GNAO1: variants seen among roughly 807,000 people sequenced by gnomAD.
The protein encoded by GNAO1 is G protein subunit alpha o1, also known as guanine nucleotide-binding protein G(o) subunit alpha.
For missense variants in GNAO1, 166 were observed against 478.7 expected (o/e 0.35, Z 6.10); for synonymous variants, 164 against 180.7 (o/e 0.91, Z 0.74).
intron 2 of GNAO1, among the ~76,000 whole-genome samples, chr16:56,210,551 T>G (rs1452686747): frequency 5.3e-5 from 8 of 152,274 alleles, no homozygotes; most frequent in African/African-American, 1.9e-4. Flanking sequence ...AAATGCGAGT[T>G]CCTGTTGTCT....
At chr16:56,214,106 A>C (rs2036417809) in intron 2 of GNAO1, among the ~76,000 whole-genome samples, 1 of 152,114 alleles carries the variant, frequency 6.6e-6, no homozygotes, top group South Asian at 2.1e-4. Context: ...ATCTAGGAAG[A>C]ATTCTAGGAA....
Position 56,193,736 on chromosome 16 carries a change from G to T in GNAO1, c.161+1120G>T, listed in dbSNP as rs1198773560. The T allele has an allele frequency of 2.1e-5, 5 of 238,806 alleles. No homozygotes were observed. In the East Asian group the frequency reaches 5.4e-4, roughly 26 times the overall value. 14.8% of individuals were successfully genotyped at this position (238,806 alleles called of 1,614,324 possible). On this transcript the variant is annotated intron_variant, in intron 2 of 8. Coordinates refer to ENST00000262493, the MANE Select transcript of GNAO1 (RefSeq NM_020988.3). ...AGGCAGGTTTGCTTGGGGAGGGGGT[G>T]GCCGGCAGCGAAGGGGTGTGCGCCC...
At position 56,311,697 on chromosome 16, in the gene GNAO1, C is replaced by A. The variant is rs1410874602; in HGVS notation, c.304-16934C>A. Among the ~76,000 whole-genome samples, 1 of 152,080 alleles carries A rather than the reference C, an allele frequency of 6.6e-6. No homozygotes were observed. Among genetic ancestry groups the A allele is most frequent in the South Asian group, 2.1e-4 (1 of 4,830 alleles). ...TGGCTCAGCCCCTGACCCCCTGTACCCCAGGGGCCAGGCTCTGGGAGTCAG... is the reference window on the plus strand; with the variant it reads ...TGGCTCAGCCCCTGACCCCCTGTACACCAGGGGCCAGGCTCTGGGAGTCAG... On this transcript the variant is annotated intron_variant, in intron 3 of 8. Transcript: ENST00000262493. This position sits in a 1 kb window ranked among gnomAD's most constrained non-coding sequence, Gnocchi z 5.2.
At chr16:56,213,029 A>G (rs2036405136) in intron 2 of GNAO1, among the ~76,000 whole-genome samples, 1 of 152,246 alleles carries the variant, frequency 6.6e-6, no homozygotes, top group African/African-American at 2.4e-5. Flanking sequence ...CCCGGTGGCC[A>G]GCACCACGGA....
intron 2 of GNAO1, among the ~76,000 whole-genome samples, chr16:56,246,296 T>A (rs1431170687): frequency 2.0e-5 from 3 of 152,292 alleles, no homozygotes; most frequent in South Asian, 4.1e-4. Context: ...AAGGTCATGT[T>A]GTGGAAAACC....
chr16:56,200,352 G>T (rs2036271829), intron 2 of GNAO1, among the ~76,000 whole-genome samples: 1 of 152,150 alleles, frequency 6.6e-6, no homozygotes, highest in South Asian at 2.1e-4. Flanking sequence ...AGAATACGAG[G>T]TATATAAGGA....
chr16:56,348,445 G>T (rs2037893308), intron 6 of GNAO1, among the ~76,000 whole-genome samples: 1 of 152,222 alleles, frequency 6.6e-6, no homozygotes, highest in Admixed American at 6.5e-5. Context: ...GAGCTTGGTG[G>T]CCACCTGGAC....
At chr16:56,286,284 G>T (rs2037166385) in intron 3 of GNAO1, among the ~76,000 whole-genome samples, 1 of 152,192 alleles carries the variant, frequency 6.6e-6, no homozygotes, top group South Asian at 2.1e-4. Context: ...GTGGTCTTAT[G>T]TCACTGCTGA....
intron 2 of GNAO1, 105 bp from the exon 3 acceptor site, chr16:56,275,826 C>A: frequency 2.2e-6 from 2 of 898,826 alleles, no homozygotes; most frequent in Non-Finnish European, 3.1e-6. Context: ...CTCAGCATCT[C>A]GGCTGGACCT....
intron 2 of GNAO1, among the ~76,000 whole-genome samples, chr16:56,256,718 C>CTG (rs199786327): frequency 0.029 from 2,078 of 72,176 alleles, 21 homozygotes; most frequent in Middle Eastern, 0.056. Context: ...CTCTCTCTCT[C>CTG]TGTGTGTGTG....
intron 3 of GNAO1, among the ~76,000 whole-genome samples, chr16:56,298,472 A>G (rs1039794028): frequency 2.0e-5 from 3 of 152,040 alleles, no homozygotes; most frequent in Non-Finnish European, 4.4e-5. Context: ...GCTCTGAGAC[A>G]CTCCGTCATT....
At chr16:56,355,830 A>G (rs2143706699) in intron 8 of GNAO1, 1 of 152,370 alleles carries the variant, frequency 6.6e-6, no homozygotes, top group Admixed American at 6.5e-5. Flanking sequence ...CCCCGCTCCA[A>G]GAGGGCATGT....
chr16:56,228,120 AG>A (rs1424088283), intron 2 of GNAO1, among the ~76,000 whole-genome samples: 2 of 152,206 alleles, frequency 1.3e-5, no homozygotes, highest in Non-Finnish European at 2.9e-5. Flanking sequence ...GCATGATGCC[AG>A]GGCTGGTGGC....
At chr16:56,211,698 GGT>G (rs2036390357) in intron 2 of GNAO1, among the ~76,000 whole-genome samples, 1 of 152,192 alleles carries the variant, frequency 6.6e-6, no homozygotes, top group Admixed American at 6.5e-5. Context: ...ATGCGGTTGA[GGT>G]TTTATGACTG....
Position 56,326,174 on chromosome 16 carries a change from G to A in GNAO1, c.304-2457G>A, listed in dbSNP as rs1415902397. Among the ~76,000 whole-genome samples, 1 of 152,180 alleles carries A rather than the reference G, an allele frequency of 6.6e-6. No homozygotes were observed. The highest frequency in any genetic ancestry group is 1.5e-5 in the Non-Finnish European group (1 of 68,044). ...TCCTGTCGCTGGGACATCTCGCAGT[G>A]CCACTCTGCTGGTGCACACCCTGAG... On this transcript the variant is annotated intron_variant, in intron 3 of 8. Transcript: ENST00000262493. This position sits in a 1 kb window ranked among gnomAD's most constrained non-coding sequence, Gnocchi z 4.8.
chr16:56,205,975 C>A (rs1252528359), intron 2 of GNAO1, among the ~76,000 whole-genome samples: 2 of 152,014 alleles, frequency 1.3e-5, no homozygotes, highest in Non-Finnish European at 2.9e-5. Context: ...AGAAAGAAGG[C>A]CAGTGGAGCT....
chr16:56,298,005 CAAAATA>C (rs2037304718), intron 3 of GNAO1, among the ~76,000 whole-genome samples: 1 of 151,864 alleles, frequency 6.6e-6, no homozygotes, highest in Admixed American at 6.6e-5. Flanking sequence ...CCTGTCTCTA[CAAAATA>C]AAAATAAAAA....
At chr16:56,206,206 G>A (rs1215337730) in intron 2 of GNAO1, among the ~76,000 whole-genome samples, 2 of 151,848 alleles carry the variant, frequency 1.3e-5, no homozygotes, top group Non-Finnish European at 2.9e-5. Context: ...TGTAGTCACA[G>A]CTACTCGGGA....
At chr16:56,346,323 G>A (rs1489013093) in intron 6 of GNAO1, 8 of 985,292 alleles carry the variant, frequency 8.1e-6, no homozygotes, top group African/African-American at 1.7e-5. Flanking sequence ...CGAGTGACAC[G>A]TGTGGGTTTC....
Sources: gnomAD v4.1 joint callset for allele counts (sites outside exome capture counted in the v4.1 genomes callset) on GRCh38, gnomAD v4.1.1 for gene constraint, Gnocchi (gnomAD v3.1) non-coding constraint, MANE v1.5 for transcripts, NCBI Gene and HGNC (gene_info 2026-07-23, HGNC 2026-07-21) for gene names.